The following CHRNB4 variants were observed in gnomAD, a reference collection of about 807,000 sequenced individuals.
CHRNB4 encodes the protein neuronal acetylcholine receptor subunit beta-4.
Under a neutral mutation model 40.4 loss-of-function variants are expected in CHRNB4, and 23 were observed. The observed-to-expected ratio is 0.57, with a 90% confidence interval of 0.41 to 0.81. The LOEUF (loss-of-function observed/expected upper bound fraction) is 0.81, where lower values mean the gene tolerates loss of function less well. Among genes scored for constraint, CHRNB4 ranks in the 30% least tolerant of loss-of-function variants. The probability of loss-of-function intolerance (pLI) is 0.00; values close to 1 mark genes in which losing one functional copy is unlikely to be tolerated. For synonymous variants in CHRNB4, 285 were observed against 274.4 expected, an observed-to-expected ratio of 1.04 and a Z score of -0.38; for missense variants, 568 against 670.6, an observed-to-expected ratio of 0.85 and a Z score of 1.69.
chr15:78,641,237 T>C, upstream of CHRNB4: 4 of 1,104,550 alleles, frequency 3.6e-6, no homozygotes, highest in Non-Finnish European at 4.8e-6. Flanking sequence ...CCCCGAGGTT[T>C]GCTGGCGGGG....
intron 6 of CHRNB4, among the ~76,000 whole-genome samples, chr15:78,651,954 G>A (rs936940245): frequency 2.6e-5 from 4 of 152,252 alleles, no homozygotes; most frequent in Admixed American, 6.5e-5. Context: ...GACAGGTGGT[G>A]AGGAAGCCAC....
At chr15:78,660,939 C>T (rs1347562774), upstream of CHRNB4, 2 of 394,302 alleles carry the variant, frequency 5.1e-6, no homozygotes, top group African/African-American at 2.1e-5. Context: ...GATTGAAACG[C>T]AGTTTCTGAC....
Position 78,629,049 on chromosome 15 carries a change from C to T in CHRNB4, c.1256G>A (p.Arg419Lys). 6.2e-7 allele frequency: 1 copy of T among 1,614,178 alleles called. No individual in the cohort carries two copies. ...PRDFWLRSSG[R>K]FRQDVQEALE... The stretch of plus-strand genomic sequence containing the variant: ...TGCCTCCTGCACATCCTGTCGGAAC[C>T]TCCCAGAGGACCGCAGCCAGAAATC... Residue 419 changes from arginine to lysine, a missense_variant, in exon 5 of 6, where the codon AGG becomes AAG. Physicochemically the swap from Arg to Lys is conservative, Grantham distance 26. Coordinates refer to ENST00000261751, the MANE Select transcript of CHRNB4 (RefSeq NM_000750.5). This position sits in a 1 kb window ranked among gnomAD's most constrained non-coding sequence, Gnocchi z 6.8.
intron 2 of CHRNB4, among the ~76,000 whole-genome samples, chr15:78,631,835 C>T (rs1371214684): frequency 1.3e-5 from 2 of 152,134 alleles, no homozygotes; most frequent in Non-Finnish European, 2.9e-5. Flanking sequence ...TGTTCTGCTG[C>T]CACATCTCAT....
upstream of CHRNB4, among the ~76,000 whole-genome samples, chr15:78,642,459 G>A (rs530667032): frequency 7.2e-5 from 11 of 152,352 alleles, no homozygotes; most frequent in African/African-American, 2.2e-4. Flanking sequence ...AAAGACAGTG[G>A]CAGGTCCTTT....
At chr15:78,633,293 C>T (rs551624787) in intron 2 of CHRNB4, among the ~76,000 whole-genome samples, 1 of 152,186 alleles carries the variant, frequency 6.6e-6, no homozygotes, top group South Asian at 2.1e-4. Flanking sequence ...GTAACACAGG[C>T]TTAAATAAAG....
At chr15:78,657,984 GAC>G (rs1567143649) in intron 2 of CHRNB4, among the ~76,000 whole-genome samples, 2 of 150,858 alleles carry the variant, frequency 1.3e-5, no homozygotes, top group Non-Finnish European at 3.0e-5. Flanking sequence ...TGATTCTGGG[GAC>G]ACATATATCA....
intron 7 of CHRNB4, among the ~76,000 whole-genome samples, chr15:78,646,891 A>C (rs745524903): frequency 1.3e-5 from 2 of 152,206 alleles, no homozygotes; most frequent in Non-Finnish European, 2.9e-5. Context: ...CTGTAATACC[A>C]GCATTTTGGG....
chr15:78,651,392 T>C (rs1045661621), intron 6 of CHRNB4, among the ~76,000 whole-genome samples: 1 of 152,180 alleles, frequency 6.6e-6, no homozygotes, highest in Admixed American at 6.5e-5. Context: ...AGTCCAGCTC[T>C]TCTCCCCGAC....
At position 78,629,873 on chromosome 15, in the gene CHRNB4, C is replaced by T. The variant is rs772474593; in HGVS notation, c.432G>A (p.Leu144=). 5 of 1,613,378 alleles carry T rather than the reference C, an allele frequency of 3.1e-6. No individual in the cohort carries two copies. Among genetic ancestry groups the T allele is most frequent in the Non-Finnish European group, 8.5e-7 (1 of 1,179,950 alleles). The change falls in exon 5 of 6, where the codon CTG becomes CTA. Residue 144 remains leucine, a synonymous_variant. Transcript: ENST00000261751. The surrounding 1 kb of genome is among the most constrained non-coding windows in gnomAD (Gnocchi z 6.8). ...IVRSNGSVLW[L]PPAIYKSACK... ...AGGCGCTCTTGTAGATGGCAGGGGG[C>T]AGCCACAGGACGCTGCCGTTGGACC...
At chr15:78,630,470 G>A (rs2053781056) in intron 4 of CHRNB4, among the ~76,000 whole-genome samples, 1 of 152,174 alleles carries the variant, frequency 6.6e-6, no homozygotes, top group African/African-American at 2.4e-5. Flanking sequence ...CCATGGAATA[G>A]CTCATTTAAG....
rs760340708 is a variant in CHRNB4, at chr15:78,629,543, G to A, written c.762C>T (p.Phe254=). 6.2e-7 allele frequency: 1 copy of A among 1,614,202 alleles called. No individual in the cohort carries two copies. The highest frequency in any genetic ancestry group is 8.5e-7 in the Non-Finnish European group (1 of 1,180,036). ...VLTTLLAILV[F]YLPSDCGEKM... ...TCTCGCCGCAGTCGGATGGCAGGTA[G>A]AAGACGAGGATGGCCAGCAAGGTGG... Residue 254 remains phenylalanine, a synonymous_variant, in exon 5 of 6, where the codon TTC becomes TTT. Transcript: ENST00000261751. This position sits in a 1 kb window ranked among gnomAD's most constrained non-coding sequence, Gnocchi z 6.8.
At chr15:78,633,652 C>A (rs1409321755) in intron 2 of CHRNB4, among the ~76,000 whole-genome samples, 4 of 152,210 alleles carry the variant, frequency 2.6e-5, no homozygotes, top group South Asian at 2.1e-4. Flanking sequence ...TACCCCCGAT[C>A]TCTTGCCAAG....
intron 1 of CHRNB4, 117 bp downstream of exon 1, chr15:78,640,962 A>T: frequency 8.5e-7 from 1 of 1,177,158 alleles, no homozygotes; most frequent in Non-Finnish European, 1.2e-6. Context: ...TGGCCGGGAC[A>T]ATCTCGGGCC....
At position 78,629,392 on chromosome 15, in the gene CHRNB4, G is replaced by T; in HGVS notation, c.913C>A (p.Leu305Met). The change falls in exon 5 of 6, where the codon CTG becomes ATG. Residue 305 changes from leucine (L) to methionine (M), a missense_variant. Coordinates refer to ENST00000261751, the MANE Select transcript of CHRNB4 (RefSeq NM_000750.5). The surrounding 1 kb of genome is among the most constrained non-coding windows in gnomAD (Gnocchi z 6.8). The stretch of plus-strand genomic sequence containing the variant: ...CTGGTGACGATGGAGAAGGTGACCA[G>T]CACCATGGTGAACATGAGGTACTTG... ...IGKYLMFTMVLVTFSIVTSVC... is the reference protein window; with the variant it reads ...IGKYLMFTMVMVTFSIVTSVC... 6.2e-7 allele frequency: 1 copy of T among 1,614,160 alleles called. No individual in the cohort carries two copies. The highest frequency in any genetic ancestry group is 8.5e-7 in the Non-Finnish European group (1 of 1,180,038).
chr15:78,645,147 G>A (rs55927929), upstream of CHRNB4, among the ~76,000 whole-genome samples: 22,444 of 152,084 alleles, frequency 0.15, 4,885 homozygotes, highest in African/African-American at 0.47. Context: ...GCCATTGTCC[G>A]TCTACCCTAG....
At chr15:78,652,820 G>A (rs2054184342) in intron 5 of CHRNB4, 1 of 152,180 alleles carries the variant, frequency 6.6e-6, no homozygotes, top group Non-Finnish European at 1.5e-5. Context: ...GGTAATGTGG[G>A]TAGAGCATGT....
At chr15:78,653,469 A>C (rs980004220) in intron 5 of CHRNB4, among the ~76,000 whole-genome samples, 1 of 152,134 alleles carries the variant, frequency 6.6e-6, no homozygotes, top group African/African-American at 2.4e-5. Context: ...AGCTTGCCTC[A>C]CCTGGCTCCC....
At position 78,641,062 on chromosome 15, in the gene CHRNB4, CCCCGAAAAGAACTCACCGCG is replaced by C. The variant is rs1567133087; in HGVS notation, c.52_55+16del. On this transcript the variant is annotated splice_donor_variant and splice_donor_5th_base_variant and coding_sequence_variant and intron_variant, in exon 1 of 6. Transcript: ENST00000261751. LOFTEE classifies it high-confidence loss of function. ...CCAACCCAGGCGCCCCTCCCTCCTT[CCCCGAAAAGAACTCACCGCG>C]CCCGCAAAGGGCGACCAGGAAGAAA... The C allele has an allele frequency of 6.4e-7, 1 of 1,567,632 alleles. No individual in the cohort carries two copies. Among genetic ancestry groups the C allele is most frequent in the East Asian group, 2.3e-5 (1 of 42,574 alleles).
Sources: gnomAD v4.1 joint callset for allele counts (sites outside exome capture counted in the v4.1 genomes callset) on GRCh38, gnomAD v4.1.1 for gene constraint, Gnocchi (gnomAD v3.1) non-coding constraint, MANE v1.5 for transcripts, NCBI Gene and HGNC (gene_info 2026-07-23, HGNC 2026-07-21) for gene names.